Variants in ADAMTSL1 observed in about 807,000 individuals in gnomAD.
The protein encoded by ADAMTSL1 is ADAMTS like 1.
Under a neutral mutation model 201.8 loss-of-function variants are expected in ADAMTSL1, and 126 were observed. That is an observed-to-expected ratio of 0.62 (90% CI 0.54 to 0.72). ADAMTSL1 has a LOEUF of 0.72. Among genes scored for constraint, ADAMTSL1 ranks in the 30% least tolerant of loss-of-function variants. The pLI, the probability that ADAMTSL1 is intolerant of heterozygous loss-of-function variation, is 0.00. For missense variants in ADAMTSL1, 2,679 were observed against 2,277.8 expected (o/e 1.18, Z -3.59); for synonymous variants, 1,121 against 903.4 (o/e 1.24, Z -4.32).
chr9:17,990,495 T>C (rs1274126843), intron 1 of ADAMTSL1, among the ~76,000 whole-genome samples: 1 of 152,072 alleles, frequency 6.6e-6, no homozygotes, highest in Non-Finnish European at 1.5e-5. Flanking sequence ...AATCTTTAGG[T>C]CTGAGATTTT....
chr9:18,020,207 GT>G (rs948736615), intron 1 of ADAMTSL1, among the ~76,000 whole-genome samples: 2 of 152,016 alleles, frequency 1.3e-5, no homozygotes, highest in Non-Finnish European at 2.9e-5. Flanking sequence ...ATCATTGGGG[GT>G]TGGGGAGGGG....
chr9:18,801,568 C>T (rs944952373), intron 20 of ADAMTSL1, among the ~76,000 whole-genome samples: 1 of 152,134 alleles, frequency 6.6e-6, no homozygotes, highest in Non-Finnish European at 1.5e-5. Context: ...TCTGTTGTTC[C>T]CCCTTCTTCG....
rs1282038129 is a variant in ADAMTSL1, at chr9:18,803,877, C to G, written c.3805+8353C>G. Among the ~76,000 whole-genome samples, 4 of 152,024 alleles carry G rather than the reference C, an allele frequency of 2.6e-5. No individual in the cohort carries two copies. In the East Asian group the frequency reaches 7.7e-4, roughly 29 times the overall value. Reference sequence around the variant, plus strand: ...CAGAGTGTTATTCAAAGGGTAATCACAATTTATTTGATTAGATTATTCCAA... The same window carrying G: ...CAGAGTGTTATTCAAAGGGTAATCAGAATTTATTTGATTAGATTATTCCAA... On this transcript the variant is annotated intron_variant, in intron 20 of 28. Coordinates refer to ENST00000380548, the MANE Select transcript of ADAMTSL1 (RefSeq NM_001040272.6).
chr9:18,394,498 G>C (rs1817671998), intron 2 of ADAMTSL1, among the ~76,000 whole-genome samples: 1 of 152,190 alleles, frequency 6.6e-6, no homozygotes, highest in Non-Finnish European at 1.5e-5. Flanking sequence ...GCAAGAGAGA[G>C]AGACAGAAAT....
intron 13 of ADAMTSL1, among the ~76,000 whole-genome samples, chr9:18,689,536 GA>G (rs1235953771): frequency 6.6e-6 from 1 of 151,764 alleles, no homozygotes; most frequent in Non-Finnish European, 1.5e-5. Context: ...AAAGGAAAAA[GA>G]AAAAAGAAAA....
chr9:18,467,329 G>A lies in ADAMTSL1; in HGVS notation c.208-37500G>A, dbSNP rs541435357. ...ATGCCAAATTAAAAAATAGAAAAACGTTTGCCACCACAGAGGAAAATAACT... is the reference window on the plus strand; with the variant it reads ...ATGCCAAATTAAAAAATAGAAAAACATTTGCCACCACAGAGGAAAATAACT... On this transcript the variant is annotated intron_variant, in intron 2 of 29. Transcript: ENST00000680146. Among the ~76,000 whole-genome samples, 7 of 152,234 alleles carry A rather than the reference G, an allele frequency of 4.6e-5. No individual in the cohort carries two copies. The East Asian group carries it at 7.7e-4, about 17-fold the overall frequency.
Position 18,906,339 on chromosome 9 carries a change from C to T in ADAMTSL1, c.4962-353C>T, listed in dbSNP as rs190027553. ...CTATCCAGTCCCCATCCTTATGACA[C>T]TTCCTTATAGATGTCCCCCTGGGGC... On this transcript the variant is annotated intron_variant, in intron 27 of 28. Coordinates refer to ENST00000380548, the MANE Select transcript of ADAMTSL1 (RefSeq NM_001040272.6). 3.6e-3 allele frequency among the ~76,000 whole-genome samples: 541 copies of T among 152,278 alleles called. 4 individuals carry two copies. The highest frequency in any genetic ancestry group is 5.7e-3 in the Non-Finnish European group (390 of 68,030).
At chr9:18,779,835 C>A (rs1012245186) in intron 19 of ADAMTSL1, among the ~76,000 whole-genome samples, 2 of 152,202 alleles carry the variant, frequency 1.3e-5, no homozygotes, top group African/African-American at 4.8e-5. Context: ...ATGATGCCCT[C>A]TCCTCTACCA....
chr9:18,249,419 G>A (rs920017751), intron 2 of ADAMTSL1, among the ~76,000 whole-genome samples: 1 of 152,124 alleles, frequency 6.6e-6, no homozygotes, highest in African/African-American at 2.4e-5. Context: ...CAAACCTACA[G>A]AGAGGGACAT....
intron 17 of ADAMTSL1, among the ~76,000 whole-genome samples, chr9:18,771,055 T>A (rs1820662763): frequency 6.6e-6 from 1 of 152,162 alleles, no homozygotes; most frequent in African/African-American, 2.4e-5. Flanking sequence ...GGTGCTGTTT[T>A]GGCCCCAGGA....
intron 1 of ADAMTSL1, among the ~76,000 whole-genome samples, chr9:18,037,783 A>G (rs192344791): frequency 6.6e-6 from 1 of 152,328 alleles, no homozygotes; most frequent in Admixed American, 6.5e-5. Flanking sequence ...AAATTGTTCC[A>G]TATAAGAGAA....
intron 20 of ADAMTSL1, among the ~76,000 whole-genome samples, chr9:18,811,753 C>G (rs1313577137): frequency 6.6e-6 from 1 of 152,060 alleles, no homozygotes; most frequent in Non-Finnish European, 1.5e-5. Flanking sequence ...GAACTTCTAC[C>G]CAGTGCAGTA....
intron 2 of ADAMTSL1, among the ~76,000 whole-genome samples, chr9:18,522,584 G>C (rs4961657): frequency 2.6e-4 from 34 of 133,312 alleles, no homozygotes; most frequent in African/African-American, 3.0e-4. Flanking sequence ...ATGCTATCCC[G>C]CCCCCCTCCC....
chr9:18,624,723 A>C (rs1239702397), intron 5 of ADAMTSL1, among the ~76,000 whole-genome samples: 1 of 152,170 alleles, frequency 6.6e-6, no homozygotes, highest in East Asian at 1.9e-4. Flanking sequence ...CCTGAATCAC[A>C]AAACAAAGAT....
At chr9:18,557,720 A>T (rs959257273) in intron 3 of ADAMTSL1, among the ~76,000 whole-genome samples, 1 of 151,992 alleles carries the variant, frequency 6.6e-6, no homozygotes, top group African/African-American at 2.4e-5. Flanking sequence ...TTTATCTTTT[A>T]ATTGCTCTAG....
intron 2 of ADAMTSL1, among the ~76,000 whole-genome samples, chr9:18,299,574 G>A (rs17790717): frequency 0.089 from 13,508 of 152,206 alleles, 817 homozygotes; most frequent in Non-Finnish European, 0.13. Context: ...GACTCCTGCC[G>A]TGTCCTCTCA....
chr9:18,638,729 C>T (rs546412873), intron 6 of ADAMTSL1, among the ~76,000 whole-genome samples: 1 of 152,198 alleles, frequency 6.6e-6, no homozygotes, highest in East Asian at 1.9e-4. Context: ...TCTTACATCA[C>T]TATCGTTTCT....
chr9:18,326,198 C>T (rs567854540), intron 2 of ADAMTSL1, among the ~76,000 whole-genome samples: 3 of 152,104 alleles, frequency 2.0e-5, no homozygotes, highest in Admixed American at 1.3e-4. Flanking sequence ...ATATTCAAAC[C>T]ATAGCAGCTG....
intron 2 of ADAMTSL1, among the ~76,000 whole-genome samples, chr9:18,269,997 C>G (rs1678310026): frequency 6.6e-6 from 1 of 152,084 alleles, no homozygotes; most frequent in Admixed American, 6.6e-5. Flanking sequence ...AATGCCGTCT[C>G]TACAAGACTC....
Sources: allele counts gnomAD v4.1 joint callset (sites outside exome capture counted in the v4.1 genomes callset), GRCh38; gene constraint gnomAD v4.1.1; transcripts MANE v1.5; gene names NCBI Gene and HGNC (gene_info 2026-07-23, HGNC 2026-07-21).